Variants in TNKS observed in about 807,000 individuals in gnomAD.
The protein encoded by TNKS is poly [ADP-ribose] polymerase tankyrase-1.
In TNKS, 72 loss-of-function variants were observed where a neutral mutation model predicts 135.8. The observed-to-expected ratio is 0.53, with a 90% CI of 0.44 to 0.64. TNKS has a LOEUF of 0.64. Among genes scored for constraint, TNKS ranks in the 30% least tolerant of loss-of-function variants. TNKS has a pLI of 0.00. For missense variants in TNKS, 1,769 were observed against 1,674.0 expected, an observed-to-expected ratio of 1.06 and a Z score of -0.99; for synonymous variants, 849 against 649.3, an observed-to-expected ratio of 1.31 and a Z score of -4.68.
At chr8:9,768,447 C>G (rs139858982) in intron 25 of TNKS, among the ~76,000 whole-genome samples, 6 of 152,342 alleles carry the variant, frequency 3.9e-5, no homozygotes, top group Admixed American at 6.5e-5. Flanking sequence ...TCCTGTCTTG[C>G]ATTTGTCAAA....
intron 3 of TNKS, among the ~76,000 whole-genome samples, chr8:9,619,947 T>C (rs970981121): frequency 5.3e-5 from 8 of 150,624 alleles, no homozygotes; most frequent in Non-Finnish European, 1.0e-4. Context: ...TCTTTCCTTA[T>C]TTTTATTTAT....
At chr8:9,720,585 C>T (rs1174977305) in intron 12 of TNKS, 40 bp downstream of exon 12, 4 of 1,567,660 alleles carry the variant, frequency 2.6e-6, no homozygotes, top group Non-Finnish European at 3.5e-6. Context: ...TATGTTTTCT[C>T]TTCCATCCCT....
chr8:9,590,381 A>C (rs1798546320), intron 2 of TNKS, among the ~76,000 whole-genome samples: 1 of 152,132 alleles, frequency 6.6e-6, no homozygotes, highest in African/African-American at 2.4e-5. Flanking sequence ...AAGCTGTCAT[A>C]ATTTCTTGCC....
intron 3 of TNKS, among the ~76,000 whole-genome samples, chr8:9,657,342 A>T (rs1194695316): frequency 5.9e-5 from 4 of 67,748 alleles, no homozygotes; most frequent in Admixed American, 1.2e-4. Context: ...CTGGCCGGGC[A>T]GAGGGGCTCC....
intron 3 of TNKS, among the ~76,000 whole-genome samples, chr8:9,635,149 G>C (rs1184694206): frequency 6.6e-6 from 1 of 150,640 alleles, no homozygotes; most frequent in Non-Finnish European, 1.5e-5. Flanking sequence ...CAGCCTGGAC[G>C]ACAGAGCGAG....
chr8:9,574,341 G>A (rs200616728), intron 1 of TNKS, among the ~76,000 whole-genome samples: 1 of 152,246 alleles, frequency 6.6e-6, no homozygotes, highest in East Asian at 1.9e-4. Context: ...AGTTGCTTAA[G>A]CTAGAAATCT....
At chr8:9,761,465 C>A in intron 20 of TNKS, 51 bp from the exon 21 acceptor site, 1 of 1,587,754 alleles carries the variant, frequency 6.3e-7, no homozygotes, top group South Asian at 1.1e-5. Context: ...AAGCTTTTGT[C>A]CTCTTAAGAA....
Position 9,556,272 on chromosome 8 carries a change from A to C in TNKS, c.333A>C (p.Ser111=), listed in dbSNP as rs148957874. 2 of 1,614,200 alleles carry C rather than the reference A, an allele frequency of 1.2e-6. No homozygotes were observed. The highest frequency in any genetic ancestry group is 1.7e-6 in the Non-Finnish European group (2 of 1,180,024). The change falls in exon 1 of 27, where the codon TCA becomes TCC. Residue 111 remains serine (S), a synonymous_variant. Coordinates refer to ENST00000310430, the MANE Select transcript of TNKS (RefSeq NM_003747.3). The part of the protein sequence containing the change: ...AAPVVPAVST[S]SAAGVAPNPA... ...CCGTGGTCCCAGCGGTTTCTACTTC[A>C]TCTGCCGCTGGGGTCGCTCCCAACC... is the stretch of plus-strand genomic sequence containing the variant.
In TNKS at chr8:9,556,001, C is replaced by T. The variant is rs749071711; in HGVS notation, c.62C>T (p.Ala21Val). 3.1e-6 allele frequency: 5 copies of T among 1,613,358 alleles called. No homozygotes were observed. Among genetic ancestry groups the T allele is most frequent in the East Asian group, 2.2e-5 (1 of 44,870 alleles). Reference sequence around the variant, plus strand: ...CATCATCAACAACAGCTCCAGCCCGCCCCAGGGGCTTCAGCGCCGCCGCCG... The same window carrying T: ...CATCATCAACAACAGCTCCAGCCCGTCCCAGGGGCTTCAGCGCCGCCGCCG... ...HHHHQQQLQP[A>V]PGASAPPPPP... Residue 21 changes from alanine (A) to valine (V), a missense_variant, in exon 1 of 27, where the codon GCC becomes GTC. Transcript: ENST00000310430.
At chr8:9,598,363 C>T (rs1256987583) in intron 2 of TNKS, among the ~76,000 whole-genome samples, 3 of 152,070 alleles carry the variant, frequency 2.0e-5, no homozygotes, top group African/African-American at 4.8e-5. Flanking sequence ...GATATACTTT[C>T]TTAGGAGACT....
In TNKS at chr8:9,598,338, C is replaced by T. The variant is rs1189109014; in HGVS notation, c.899-17244C>T. 3.3e-5 allele frequency among the ~76,000 whole-genome samples: 5 copies of T among 152,038 alleles called. No individual in the cohort carries two copies. In the East Asian group the frequency reaches 5.8e-4, roughly 18 times the overall value. On this transcript the variant is annotated intron_variant, in intron 2 of 26. Transcript: ENST00000310430. Reference sequence around the variant, plus strand: ...CTGGGATTACAGGTGTGAGCCACCGCGCCCGGCCAGTAATGATATACTTTC... The same window carrying T: ...CTGGGATTACAGGTGTGAGCCACCGTGCCCGGCCAGTAATGATATACTTTC...
intron 18 of TNKS, 107 bp from the exon 19 acceptor site, chr8:9,751,502 A>T: frequency 1.1e-6 from 1 of 924,242 alleles, no homozygotes; most frequent in Non-Finnish European, 1.7e-6. Flanking sequence ...GGTGATAATG[A>T]GGCATTCATT....
chr8:9,588,717 T>C (rs1798482270), intron 2 of TNKS, among the ~76,000 whole-genome samples: 1 of 152,182 alleles, frequency 6.6e-6, no homozygotes, highest in South Asian at 2.1e-4. Flanking sequence ...TTTGGGCAGA[T>C]TATAAGGTCT....
At chr8:9,712,143 C>A (rs1804366673) in intron 11 of TNKS, among the ~76,000 whole-genome samples, 1 of 152,174 alleles carries the variant, frequency 6.6e-6, no homozygotes, top group East Asian at 1.9e-4. Flanking sequence ...TGTATGAAAT[C>A]TTTGCAACTA....
At chr8:9,625,007 A>G (rs61682841) in intron 3 of TNKS, among the ~76,000 whole-genome samples, 16,674 of 152,158 alleles carry the variant, frequency 0.11, 1,082 homozygotes, top group African/African-American at 0.18. Context: ...ACATAGGGCC[A>G]ACTGTATTTC....
chr8:9,719,032 CAAAG>C (rs763883104), intron 11 of TNKS, among the ~76,000 whole-genome samples: 41 of 152,142 alleles, frequency 2.7e-4, no homozygotes, highest in Non-Finnish European at 4.6e-4. Flanking sequence ...GAAGAAGTAA[CAAAG>C]AAATCAAAAT....
chr8:9,668,977 T>C (rs1010698933), intron 3 of TNKS, among the ~76,000 whole-genome samples: 4 of 152,106 alleles, frequency 2.6e-5, no homozygotes, highest in Non-Finnish European at 5.9e-5. Context: ...TATTATTGAA[T>C]AGGAGAATAA....
At chr8:9,652,993 G>A (rs1326017687) in intron 3 of TNKS, among the ~76,000 whole-genome samples, 1 of 152,170 alleles carries the variant, frequency 6.6e-6, no homozygotes, top group Non-Finnish European at 1.5e-5. Flanking sequence ...ACTCACCAGT[G>A]ATTCCCTAGC....
At chr8:9,733,592 G>C (rs1165894738) in intron 15 of TNKS, 148 bp downstream of exon 15, 6 of 666,122 alleles carry the variant, frequency 9.0e-6, no homozygotes, top group Non-Finnish European at 1.5e-5. Flanking sequence ...GACCGTTTAT[G>C]TGATATGACA....
Sources: allele counts gnomAD v4.1 joint callset (sites outside exome capture counted in the v4.1 genomes callset), GRCh38; gene constraint gnomAD v4.1.1; transcripts MANE v1.5; gene names NCBI Gene and HGNC (gene_info 2026-07-23, HGNC 2026-07-21).